The following DIP2C variants were observed in gnomAD, a reference collection of about 807,000 sequenced individuals.
DIP2C encodes disco-interacting protein 2 homolog C.
Under a neutral mutation model 192.4 loss-of-function variants are expected in DIP2C, and 33 were observed. The observed-to-expected ratio is 0.17, with a 90% CI of 0.13 to 0.23. The LOEUF is 0.23. Ranked by LOEUF, DIP2C falls within the 10% of genes least tolerant of loss-of-function variation. DIP2C has a pLI of 1.00. For missense variants in DIP2C, 1,537 were observed against 2,110.1 expected (o/e 0.73, Z 5.32); for synonymous variants, 979 against 864.1 (o/e 1.13, Z -2.33).
At chr10:584,346 A>C (rs140734910) in intron 1 of DIP2C, among the ~76,000 whole-genome samples, 256 of 152,292 alleles carry the variant, frequency 1.7e-3, no homozygotes, top group African/African-American at 5.9e-3. Flanking sequence ...GTTTTTAGGA[A>C]ATCAGTTGAC....
chr10:581,385 T>C (rs1228004120), intron 1 of DIP2C, among the ~76,000 whole-genome samples: 1 of 152,166 alleles, frequency 6.6e-6, no homozygotes, highest in Non-Finnish European at 1.5e-5. Flanking sequence ...TATGAGTTTC[T>C]AGGAATACAA....
chr10:378,859 GAACA>G (rs955200510), intron 17 of DIP2C, among the ~76,000 whole-genome samples: 9 of 150,506 alleles, frequency 6.0e-5, no homozygotes, highest in Admixed American at 1.3e-4. Flanking sequence ...AGACACATGT[GAACA>G]GACATGCCTA....
chr10:629,675 G>A lies in DIP2C; in HGVS notation c.85+59819C>T, dbSNP rs34732262. On this transcript the variant is annotated intron_variant, in intron 1 of 36. Coordinates refer to ENST00000280886, the MANE Select transcript of DIP2C (RefSeq NM_014974.3). ...AGGCCCGGCCTCACTGCTTTAACCCGCGCTGGGGGAAGGAAGCCCTCGCTC... is the reference window on the plus strand; with the variant it reads ...AGGCCCGGCCTCACTGCTTTAACCCACGCTGGGGGAAGGAAGCCCTCGCTC... 4.6e-3 allele frequency among the ~76,000 whole-genome samples: 706 copies of A among 151,924 alleles called. 1 individual carries two copies. Among genetic ancestry groups the A allele is most frequent in the Non-Finnish European group, 6.0e-3 (408 of 67,916 alleles).
intron 2 of DIP2C, among the ~76,000 whole-genome samples, chr10:474,859 C>T (rs971581438): frequency 4.6e-5 from 7 of 151,854 alleles, no homozygotes; most frequent in African/African-American, 1.7e-4. Flanking sequence ...ATTCCTTTCT[C>T]TTCTCCTTCA....
At chr10:526,558 T>G (rs1185845446) in intron 1 of DIP2C, among the ~76,000 whole-genome samples, 1 of 151,838 alleles carries the variant, frequency 6.6e-6, no homozygotes, top group East Asian at 1.9e-4. Context: ...TCCGTGGCAT[T>G]TAATAAAAAA....
At chr10:509,596 C>T (rs1057486099) in intron 1 of DIP2C, among the ~76,000 whole-genome samples, 10 of 152,206 alleles carry the variant, frequency 6.6e-5, no homozygotes, top group African/African-American at 2.2e-4. Flanking sequence ...CAGGTGTGAC[C>T]TCACTCTGCG....
chr10:407,482 ATG>A (rs1307489640), intron 9 of DIP2C, among the ~76,000 whole-genome samples: 7 of 152,160 alleles, frequency 4.6e-5, no homozygotes, highest in African/African-American at 1.7e-4. Flanking sequence ...CAGTAATTCC[ATG>A]TTTAATTCTT....
intron 30 of DIP2C, among the ~76,000 whole-genome samples, 190 bp downstream of exon 30, chr10:329,243 G>T (rs1271833374): frequency 6.6e-6 from 1 of 152,194 alleles, no homozygotes; most frequent in Non-Finnish European, 1.5e-5. Context: ...TACTGTCTGT[G>T]GTCGTGGGGA....
intron 4 of DIP2C, among the ~76,000 whole-genome samples, chr10:429,780 C>G (rs1423601995): frequency 6.6e-6 from 1 of 151,942 alleles, no homozygotes; most frequent in Non-Finnish European, 1.5e-5. Flanking sequence ...TATACATTCA[C>G]CTACTGAGGG....
At chr10:331,729 G>A (rs1234825127) in intron 29 of DIP2C, among the ~76,000 whole-genome samples, 1 of 152,130 alleles carries the variant, frequency 6.6e-6, no homozygotes, top group Non-Finnish European at 1.5e-5. Flanking sequence ...CTCCTCCGTG[G>A]ACACCGAGGG....
chr10:293,913 G>T (rs1955614855), intron 32 of DIP2C, among the ~76,000 whole-genome samples: 1 of 152,200 alleles, frequency 6.6e-6, no homozygotes, highest in Non-Finnish European at 1.5e-5. Flanking sequence ...AGAAGATCTG[G>T]ATCAGGGAAG....
At chr10:417,741 AG>A (rs1965788140) in intron 6 of DIP2C, among the ~76,000 whole-genome samples, 1 of 129,076 alleles carries the variant, frequency 7.7e-6, no homozygotes, top group Non-Finnish European at 1.6e-5. Flanking sequence ...TGCGCCTGTC[AG>A]GGCTCGGATA....
intron 14 of DIP2C, among the ~76,000 whole-genome samples, chr10:385,422 G>A (rs1000432526): frequency 2.0e-5 from 3 of 152,318 alleles, no homozygotes; most frequent in Non-Finnish European, 1.5e-5. Flanking sequence ...TTTTTAAGAC[G>A]AAACCTTTGG....
chr10:658,848 C>G (rs746405743), intron 1 of DIP2C, among the ~76,000 whole-genome samples: 19 of 152,216 alleles, frequency 1.2e-4, no homozygotes, highest in Non-Finnish European at 2.5e-4. Flanking sequence ...TTTAAAATAT[C>G]TCTCTCCCTG....
At chr10:379,747 T>G (rs1216713392) in intron 17 of DIP2C, among the ~76,000 whole-genome samples, 4 of 152,266 alleles carry the variant, frequency 2.6e-5, no homozygotes, top group Non-Finnish European at 5.9e-5. Context: ...CTTTTTAAAT[T>G]AAGTGGACTG....
At chr10:369,820 G>C in intron 17 of DIP2C, 187 bp from the exon 18 acceptor site, 8 of 1,292,684 alleles carry the variant, frequency 6.2e-6, no homozygotes, top group Non-Finnish European at 8.4e-6. Flanking sequence ...AGCTGGCAGC[G>C]AGTCTACTGC....
intron 1 of DIP2C, among the ~76,000 whole-genome samples, chr10:559,860 G>A (rs1056509031): frequency 6.6e-6 from 1 of 152,196 alleles, no homozygotes; most frequent in African/African-American, 2.4e-5. Flanking sequence ...GCCACACCGG[G>A]TGAGACATCC....
At chr10:581,449 T>C (rs559296573) in intron 1 of DIP2C, among the ~76,000 whole-genome samples, 1 of 152,104 alleles carries the variant, frequency 6.6e-6, no homozygotes, top group Non-Finnish European at 1.5e-5. Flanking sequence ...TAATCAAAAA[T>C]GTACTTAGAG....
Position 385,156 on chromosome 10 carries a change from G to A in DIP2C, c.1663-517C>T, listed in dbSNP as rs75299148. On this transcript the variant is annotated intron_variant, in intron 14 of 36. Coordinates refer to ENST00000280886, the MANE Select transcript of DIP2C (RefSeq NM_014974.3). ...GTGGACGCCAGGCTGCACGGGACCC[G>A]AGGATCAGCAGCTCTCAGGGAGCAC... 6.1e-3 allele frequency among the ~76,000 whole-genome samples: 921 copies of A among 152,000 alleles called. 4 individuals are homozygous for A. The highest frequency in any genetic ancestry group is 0.014 in the East Asian group (70 of 5,124).
Sources: gnomAD v4.1 joint callset for allele counts (sites outside exome capture counted in the v4.1 genomes callset) on GRCh38, gnomAD v4.1.1 for gene constraint, MANE v1.5 for transcripts, NCBI Gene and HGNC (gene_info 2026-07-23, HGNC 2026-07-21) for gene names.